PABPC4L: variants seen among roughly 807,000 people sequenced by gnomAD.
PABPC4L encodes polyadenylate-binding protein 4-like.
For missense variants in PABPC4L, 452 were observed against 451.4 expected, an observed-to-expected ratio of 1.00 and a Z score of -0.01; for synonymous variants, 169 against 164.1, an observed-to-expected ratio of 1.03 and a Z score of -0.23.
the PABPC4L span, among the ~76,000 whole-genome samples, chr4:134,026,973 A>C: frequency 6.6e-6 from 1 of 150,560 alleles, no homozygotes; most frequent in East Asian, 2.0e-4. Context: ...CTGCAGAGGG[A>C]AAAAAAAAAT....
the PABPC4L span, among the ~76,000 whole-genome samples, chr4:134,141,855 T>A: frequency 6.6e-6 from 1 of 151,680 alleles, no homozygotes; most frequent in East Asian, 1.9e-4. Flanking sequence ...AGCACTGTAC[T>A]GCTAACTAGG....
the PABPC4L span, among the ~76,000 whole-genome samples, chr4:134,006,465 C>T: frequency 6.6e-6 from 1 of 151,868 alleles, no homozygotes; most frequent in African/African-American, 2.4e-5. Flanking sequence ...GCATATGCTA[C>T]CTGGGCTTTT....
the PABPC4L span, among the ~76,000 whole-genome samples, chr4:134,097,512 G>C: frequency 6.6e-6 from 1 of 151,792 alleles, no homozygotes; most frequent in Admixed American, 6.6e-5. Flanking sequence ...AAACCCTGAT[G>C]TTATACTCAT....
chr4:134,002,736 C>A, the PABPC4L span, among the ~76,000 whole-genome samples: 1 of 151,784 alleles, frequency 6.6e-6, no homozygotes, highest in Non-Finnish European at 1.5e-5. Flanking sequence ...ATGAGGCAGG[C>A]AAAGAATTAT....
chr4:134,113,675 T>C, the PABPC4L span, among the ~76,000 whole-genome samples: 11 of 151,690 alleles, frequency 7.3e-5, no homozygotes, highest in African/African-American at 2.2e-4. Context: ...TTTTTGAAAA[T>C]TAGAGAAATA....
chr4:134,090,469 A>C, the PABPC4L span, among the ~76,000 whole-genome samples: 1 of 152,174 alleles, frequency 6.6e-6, no homozygotes, highest in South Asian at 2.1e-4. Context: ...ACTATTCATT[A>C]AAAAGGCTGT....
the PABPC4L span, among the ~76,000 whole-genome samples, chr4:133,969,062 A>G: frequency 6.6e-6 from 1 of 152,180 alleles, no homozygotes; most frequent in South Asian, 2.1e-4. Context: ...TGAGAGGGGC[A>G]CAGATTATAA....
At position 134,200,795 on chromosome 4, in the gene PABPC4L, G is replaced by C. The variant is rs1036794863; in HGVS notation, c.225C>G (p.Ile75Met). Residue 75 changes from isoleucine to methionine, a missense_variant, in exon 2 of 2, where the codon ATC becomes ATG. Ile to Met is a conservative substitution (Grantham distance 10). Coordinates refer to ENST00000421491, the MANE Select transcript of PABPC4L (RefSeq NM_001114734.2). ...QKALDTMNFD[I>M]IKGKSIRLMW... ...TGAGACGGATGGATTTGCCTTTTATGATGTCAAAGTTCATTGTGTCCAGCG... is the reference window on the plus strand; with the variant it reads ...TGAGACGGATGGATTTGCCTTTTATCATGTCAAAGTTCATTGTGTCCAGCG... The C allele has an allele frequency of 2.6e-6, 4 of 1,551,916 alleles. No homozygotes were observed. In the African/African-American group the frequency reaches 5.5e-5, roughly 21 times the overall value.
chr4:134,178,321 A>G, the PABPC4L span, among the ~76,000 whole-genome samples: 9 of 150,056 alleles, frequency 6.0e-5, no homozygotes, highest in Admixed American at 5.4e-4. Context: ...CAAACACACC[A>G]TATACCATAA....
the PABPC4L span, among the ~76,000 whole-genome samples, chr4:133,998,717 C>T: frequency 6.6e-6 from 1 of 151,268 alleles, no homozygotes; most frequent in Non-Finnish European, 1.5e-5. Context: ...TTCAATTGTT[C>T]AAAGAAGATG....
the PABPC4L span, among the ~76,000 whole-genome samples, chr4:134,118,806 A>G: frequency 0.23 from 34,321 of 151,562 alleles, 4,408 homozygotes; most frequent in Admixed American, 0.27. Context: ...ATTGACATTT[A>G]CCATCTGCTT....
At chr4:134,133,417 G>T in the PABPC4L span, among the ~76,000 whole-genome samples, 2 of 138,992 alleles carry the variant, frequency 1.4e-5, no homozygotes, top group African/African-American at 2.7e-5. Context: ...TTATTATATG[G>T]TATATTATAT....
chr4:134,059,675 A>G, the PABPC4L span, among the ~76,000 whole-genome samples: 1 of 151,816 alleles, frequency 6.6e-6, no homozygotes, highest in Non-Finnish European at 1.5e-5. Flanking sequence ...ACAAAGTTCA[A>G]TAGAACGGTT....
At chr4:134,057,046 A>ACAAAAAC in the PABPC4L span, among the ~76,000 whole-genome samples, 1 of 152,050 alleles carries the variant, frequency 6.6e-6, no homozygotes, top group Admixed American at 6.6e-5. Context: ...AAGATGAGTT[A>ACAAAAAC]GTTATCTCCA....
the PABPC4L span, among the ~76,000 whole-genome samples, chr4:134,013,992 T>C: frequency 6.6e-6 from 1 of 152,126 alleles, no homozygotes; most frequent in Non-Finnish European, 1.5e-5. Context: ...TGGCTGGAGC[T>C]AAAGGCATAG....
chr4:133,995,296 A>T, the PABPC4L span, among the ~76,000 whole-genome samples: 2 of 152,172 alleles, frequency 1.3e-5, no homozygotes, highest in Non-Finnish European at 2.9e-5. Flanking sequence ...GACTCTGCAT[A>T]GGAAACAATT....
chr4:133,991,181 C>A, the PABPC4L span, among the ~76,000 whole-genome samples: 3 of 152,100 alleles, frequency 2.0e-5, no homozygotes, highest in Non-Finnish European at 4.4e-5. Flanking sequence ...CAAGAAGTGA[C>A]CCCCAGGAGC....
At chr4:133,954,613 T>C in the PABPC4L span, among the ~76,000 whole-genome samples, 3 of 152,128 alleles carry the variant, frequency 2.0e-5, no homozygotes, top group African/African-American at 7.2e-5. Flanking sequence ...GTTCCCTCTT[T>C]CCTTTGTTCC....
At chr4:133,959,064 C>T in the PABPC4L span, among the ~76,000 whole-genome samples, 1 of 152,128 alleles carries the variant, frequency 6.6e-6, no homozygotes, top group Non-Finnish European at 1.5e-5. Flanking sequence ...TTTCTGAAGG[C>T]TCCCATGTTA....
Sources: allele counts gnomAD v4.1 joint callset (sites outside exome capture counted in the v4.1 genomes callset), GRCh38; gene constraint gnomAD v4.1.1; transcripts MANE v1.5; gene names NCBI Gene and HGNC (gene_info 2026-07-23, HGNC 2026-07-21).